The following LHFPL3 variants were observed in gnomAD, a reference collection of about 807,000 sequenced individuals.
LHFPL3 encodes LHFPL tetraspan subfamily member 3 protein.
Under a neutral mutation model 19.3 loss-of-function variants are expected in LHFPL3, and 5 were observed. The ratio of observed to expected loss-of-function variants is 0.26; its 90% confidence interval spans 0.14 to 0.54. The LOEUF is 0.54. Among genes scored for constraint, LHFPL3 ranks in the 20% least tolerant of loss-of-function variants. The pLI, the probability that LHFPL3 is intolerant of heterozygous loss-of-function variation, is 0.94. For missense variants in LHFPL3, 249 were observed against 307.4 expected (o/e 0.81, Z 1.42); for synonymous variants, 133 against 126.2 (o/e 1.05, Z -0.36).
rs561179873 is a variant in LHFPL3 at position 104,872,748 on chromosome 7, G to A, written c.683-33439G>A. Reference sequence around the variant, plus strand: ...AAGGTCCTTGGGGACAATAACACACGGAGCTGTCATCTTCTATGATAACCA... The same window carrying A: ...AAGGTCCTTGGGGACAATAACACACAGAGCTGTCATCTTCTATGATAACCA... On this transcript the variant is annotated intron_variant, in intron 2 of 2. Coordinates refer to ENST00000424859, the MANE Select transcript of LHFPL3 (RefSeq NM_199000.3). Among the ~76,000 whole-genome samples, 10 of 152,198 alleles carry A rather than the reference G, an allele frequency of 6.6e-5. No individual in the cohort carries two copies. In the South Asian group the frequency reaches 1.2e-3, roughly 19 times the overall value.
chr7:104,708,177 A>T (rs1038582736), intron 1 of LHFPL3, among the ~76,000 whole-genome samples: 1 of 152,238 alleles, frequency 6.6e-6, no homozygotes. Context: ...TTCGCGGTCC[A>T]TAGATCACTT....
chr7:104,778,271 G>C (rs975605806), intron 2 of LHFPL3, among the ~76,000 whole-genome samples: 1 of 152,148 alleles, frequency 6.6e-6, no homozygotes, highest in Non-Finnish European at 1.5e-5. Context: ...ACCCATTCCT[G>C]CTGTGCGGGA....
chr7:104,458,783 C>T (rs997258315), intron 1 of LHFPL3, among the ~76,000 whole-genome samples: 34 of 151,946 alleles, frequency 2.2e-4, no homozygotes, highest in Non-Finnish European at 3.7e-4. Context: ...AGCCATTCTA[C>T]GCCCTTCTAG....
At chr7:104,405,682 C>T (rs1463307350) in intron 1 of LHFPL3, among the ~76,000 whole-genome samples, 1 of 152,166 alleles carries the variant, frequency 6.6e-6, no homozygotes, top group Non-Finnish European at 1.5e-5. Flanking sequence ...ATGATTTTAA[C>T]CACTATGTTA....
chr7:104,866,903 G>C (rs1245271337), intron 2 of LHFPL3, among the ~76,000 whole-genome samples: 2 of 152,154 alleles, frequency 1.3e-5, no homozygotes, highest in Admixed American at 1.3e-4. Context: ...AATGAAACTA[G>C]AACTCAGGAT....
intron 1 of LHFPL3, among the ~76,000 whole-genome samples, chr7:104,531,185 T>G (rs1014728088): frequency 1.3e-5 from 2 of 152,228 alleles, no homozygotes; most frequent in Non-Finnish European, 2.9e-5. Flanking sequence ...ATTTTATTTC[T>G]ATCAACAATG....
At chr7:104,749,512 C>T (rs980865530) in intron 2 of LHFPL3, among the ~76,000 whole-genome samples, 421 of 151,782 alleles carry the variant, frequency 2.8e-3, no homozygotes, top group Non-Finnish European at 3.3e-3. Flanking sequence ...AATCCTGCTC[C>T]GCCAGAGGGA....
intron 1 of LHFPL3, among the ~76,000 whole-genome samples, chr7:104,690,817 G>A (rs747966152): frequency 6.6e-6 from 1 of 152,224 alleles, no homozygotes; most frequent in African/African-American, 2.4e-5. Flanking sequence ...AAGGCTGCCA[G>A]TTTTGGGTAG....
At chr7:104,687,809 C>G (rs1178017568) in intron 1 of LHFPL3, among the ~76,000 whole-genome samples, 1 of 152,120 alleles carries the variant, frequency 6.6e-6, no homozygotes, top group African/African-American at 2.4e-5. Context: ...TTTAGGTAAA[C>G]CTCCAGAGAA....
chr7:104,532,771 A>G (rs2115849924), intron 1 of LHFPL3, among the ~76,000 whole-genome samples: 1 of 152,322 alleles, frequency 6.6e-6, no homozygotes, highest in East Asian at 1.9e-4. Flanking sequence ...CACAAAAATT[A>G]TCTTAGCATA....
At chr7:104,904,272 C>T (rs1225048581) in intron 2 of LHFPL3, among the ~76,000 whole-genome samples, 1 of 151,996 alleles carries the variant, frequency 6.6e-6, no homozygotes, top group African/African-American at 2.4e-5. Flanking sequence ...GGGAACATAC[C>T]AAAAACAACA....
At chr7:104,614,687 CTTTCTTTCTTTCTTTCTTTCT>C (rs1791294948) in intron 1 of LHFPL3, among the ~76,000 whole-genome samples, 5 of 103,664 alleles carry the variant, frequency 4.8e-5, no homozygotes, top group Admixed American at 2.1e-4. Flanking sequence ...TTCCTTCTTT[CTTTCTTTCTTTCTTTCTTTCT>C]TTCTTTCTTT....
intron 1 of LHFPL3, among the ~76,000 whole-genome samples, chr7:104,363,670 T>C (rs1406149467): frequency 6.6e-6 from 1 of 152,208 alleles, no homozygotes; most frequent in Non-Finnish European, 1.5e-5. Flanking sequence ...AACGCCTCCT[T>C]CAAATTTGTA....
intron 1 of LHFPL3, among the ~76,000 whole-genome samples, chr7:104,461,997 T>C (rs1278896515): frequency 6.6e-6 from 1 of 152,202 alleles, no homozygotes; most frequent in Admixed American, 6.5e-5. Context: ...CCTAGGTATT[T>C]TATTATTTTC....
At chr7:104,622,344 C>A (rs2115808119) in intron 1 of LHFPL3, among the ~76,000 whole-genome samples, 1 of 152,266 alleles carries the variant, frequency 6.6e-6, no homozygotes, top group African/African-American at 2.4e-5. Context: ...AATCCCTGGG[C>A]TCAAGCAATC....
At chr7:104,478,205 C>G (rs1793062656) in intron 1 of LHFPL3, among the ~76,000 whole-genome samples, 1 of 151,964 alleles carries the variant, frequency 6.6e-6, no homozygotes. Context: ...TATAGAAACC[C>G]TTTTATGAGT....
intron 2 of LHFPL3, among the ~76,000 whole-genome samples, chr7:104,829,919 A>G (rs1181282872): frequency 3.3e-5 from 5 of 151,990 alleles, no homozygotes; most frequent in African/African-American, 4.8e-5. Flanking sequence ...GACTTCCACA[A>G]TGGTTGAACT....
intron 2 of LHFPL3, among the ~76,000 whole-genome samples, chr7:104,858,458 A>G (rs1169730029): frequency 6.6e-6 from 1 of 152,114 alleles, no homozygotes; most frequent in African/African-American, 2.4e-5. Context: ...ATGTATCTAC[A>G]TACATACCTC....
intron 1 of LHFPL3, among the ~76,000 whole-genome samples, chr7:104,643,023 G>A (rs148288194): frequency 2.0e-5 from 3 of 152,246 alleles, no homozygotes; most frequent in East Asian, 1.9e-4. Flanking sequence ...AATTTTTAAG[G>A]TTATTTATTT....
Sources: allele counts gnomAD v4.1 joint callset (sites outside exome capture counted in the v4.1 genomes callset), GRCh38; gene constraint gnomAD v4.1.1; transcripts MANE v1.5; gene names NCBI Gene and HGNC (gene_info 2026-07-23, HGNC 2026-07-21).